The following OSBPL1A variants were observed in gnomAD, a reference collection of about 807,000 sequenced individuals.
OSBPL1A encodes oxysterol-binding protein-related protein 1.
Under a neutral mutation model 137.1 loss-of-function variants are expected in OSBPL1A, and 80 were observed. The observed-to-expected ratio is 0.58, with a 90% CI of 0.49 to 0.70. The LOEUF is 0.70. Among genes scored for constraint, OSBPL1A ranks in the 30% least tolerant of loss-of-function variants. The probability of loss-of-function intolerance (pLI) is 0.00; values close to 1 mark genes in which losing one functional copy is unlikely to be tolerated. For missense variants in OSBPL1A, 970 were observed against 1,129.4 expected, an observed-to-expected ratio of 0.86 and a Z score of 2.02; for synonymous variants, 365 against 389.7, an observed-to-expected ratio of 0.94 and a Z score of 0.75.
intron 4 of OSBPL1A, among the ~76,000 whole-genome samples, chr18:24,349,665 C>T (rs2091404161): frequency 6.7e-6 from 1 of 149,626 alleles, no homozygotes; most frequent in African/African-American, 2.5e-5. Flanking sequence ...CCAGATATGG[C>T]TGTGTGGCCA....
chr18:24,178,205 TAAAAAAAAAAA>T lies in OSBPL1A; in HGVS notation c.1911-21_1911-11del, dbSNP rs370187142. ...AAATCCAAGGTCATCTCTTAAGATT[TAAAAAAAAAAA>T]AAAAGAAAAAAAAAAGCAACATTAT... On this transcript the variant is annotated splice_polypyrimidine_tract_variant and intron_variant, in intron 20 of 27. Coordinates refer to ENST00000319481, the MANE Select transcript of OSBPL1A (RefSeq NM_080597.4). 5 of 1,175,442 alleles carry T rather than the reference TAAAAAAAAAAA, an allele frequency of 4.3e-6. No individual in the cohort carries two copies. Among genetic ancestry groups the T allele is most frequent in the South Asian group, 1.9e-5 (1 of 53,684 alleles). The allele number at this position is 1,175,442 out of a possible 1,614,324, so 72.8% of individuals were successfully genotyped here.
At chr18:24,165,638 T>C (rs1011354824) in intron 26 of OSBPL1A, among the ~76,000 whole-genome samples, 3 of 152,216 alleles carry the variant, frequency 2.0e-5, no homozygotes, top group Admixed American at 2.0e-4. Flanking sequence ...CATAAGAGGC[T>C]GCCTAGTGTG....
rs1270792105 is a variant in OSBPL1A, at chr18:24,167,359, T to C, written c.2505A>G (p.Arg835=). Residue 835 remains arginine (R), a synonymous_variant, in exon 25 of 28, where the codon CGA becomes CGG. Transcript: ENST00000319481. ...CAGAATTTGGAGGCCGTGGGGCTAT[T>C]CGCCATAGAAGAACGCTTCCAGGGA... ...FIIPGSVLLW[R]IAPRPPNSAQ... 3 of 1,614,132 alleles carry C rather than the reference T, an allele frequency of 1.9e-6. No individual in the cohort carries two copies. The highest frequency in any genetic ancestry group is 3.3e-5 in the Admixed American group (2 of 60,010).
At chr18:24,349,762 C>G (rs1399781779) in intron 4 of OSBPL1A, among the ~76,000 whole-genome samples, 2 of 151,304 alleles carry the variant, frequency 1.3e-5, no homozygotes, top group Non-Finnish European at 2.9e-5. Flanking sequence ...TGAACTCTGC[C>G]AACAACCTGC....
intron 4 of OSBPL1A, among the ~76,000 whole-genome samples, chr18:24,346,612 G>A (rs2091349986): frequency 6.6e-6 from 1 of 152,082 alleles, no homozygotes; most frequent in Non-Finnish European, 1.5e-5. Context: ...TGTTCTCAAG[G>A]TTCATTTATG....
At chr18:24,213,079 C>G (rs1262600321) in intron 17 of OSBPL1A, among the ~76,000 whole-genome samples, 1 of 152,210 alleles carries the variant, frequency 6.6e-6, no homozygotes, top group Non-Finnish European at 1.5e-5. Context: ...TATCTTACAA[C>G]TTAGTCAGAG....
chr18:24,376,366 T>C (rs976246451), intron 2 of OSBPL1A, among the ~76,000 whole-genome samples: 2 of 152,194 alleles, frequency 1.3e-5, no homozygotes, highest in Non-Finnish European at 2.9e-5. Flanking sequence ...ATTGGTGCAT[T>C]CACAAACCCT....
At chr18:24,388,276 G>C (rs1404518458) in intron 1 of OSBPL1A, among the ~76,000 whole-genome samples, 3 of 152,084 alleles carry the variant, frequency 2.0e-5, no homozygotes, top group Non-Finnish European at 4.4e-5. Context: ...TGTCTATTCT[G>C]TTCCCCTATT....
intron 23 of OSBPL1A, 82 bp from the exon 24 acceptor site, chr18:24,170,535 C>T: frequency 6.5e-7 from 1 of 1,544,716 alleles, no homozygotes. Context: ...CCCAGGCGGT[C>T]TCCCATCCGA....
intron 4 of OSBPL1A, among the ~76,000 whole-genome samples, chr18:24,365,096 T>C (rs897557660): frequency 4.0e-5 from 6 of 149,620 alleles, no homozygotes; most frequent in African/African-American, 1.5e-4. Context: ...CAAAGGTATC[T>C]AGGCAATACA....
At chr18:24,313,903 A>C (rs2090671473) in intron 12 of OSBPL1A, among the ~76,000 whole-genome samples, 1 of 152,048 alleles carries the variant, frequency 6.6e-6, no homozygotes, top group African/African-American at 2.4e-5. Flanking sequence ...GGAGTTTGAG[A>C]CTACCCTGGG....
rs185918516 is a variant in OSBPL1A at position 24,385,238 on chromosome 18, G to A, written c.-2-7703C>T. Among the ~76,000 whole-genome samples, 102 of 152,192 alleles carry A rather than the reference G, an allele frequency of 6.7e-4. 1 individual carries two copies. In the East Asian group the frequency reaches 0.013, roughly 19 times the overall value. On this transcript the variant is annotated intron_variant, in intron 1 of 27. Transcript: ENST00000319481. ...CAAAGTGCTGGGATTACAGGCATGA[G>A]CCACCGCACCCGGCCTGTAGGTTAG...
chr18:24,384,566 T>C (rs981942992), intron 1 of OSBPL1A, among the ~76,000 whole-genome samples: 1 of 122,396 alleles, frequency 8.2e-6, no homozygotes, highest in Non-Finnish European at 1.6e-5. Flanking sequence ...AGATCCTGTC[T>C]CAGAAACAAA....
chr18:24,196,059 T>A, intron 18 of OSBPL1A, 66 bp downstream of exon 18: 2 of 1,283,178 alleles, frequency 1.6e-6, no homozygotes, highest in Non-Finnish European at 2.2e-6. Context: ...ACTTTTAGGT[T>A]CCTTTCTAAA....
At chr18:24,306,316 G>T (rs981993974) in intron 13 of OSBPL1A, among the ~76,000 whole-genome samples, 2 of 152,114 alleles carry the variant, frequency 1.3e-5, no homozygotes, top group Non-Finnish European at 2.9e-5. Context: ...ATTACCTTAT[G>T]ATCCCTAACC....
chr18:24,329,631 T>A (rs2091041172), intron 7 of OSBPL1A, among the ~76,000 whole-genome samples: 1 of 151,558 alleles, frequency 6.6e-6, no homozygotes, highest in African/African-American at 2.4e-5. Context: ...GGATATAACA[T>A]ACCAGTTAAT....
At chr18:24,206,882 A>C (rs2087389719) in intron 17 of OSBPL1A, among the ~76,000 whole-genome samples, 1 of 152,116 alleles carries the variant, frequency 6.6e-6, no homozygotes, top group Non-Finnish European at 1.5e-5. Flanking sequence ...TGCCACTCAG[A>C]GTGTAATCCC....
chr18:24,168,711 A>G (rs2086202147), intron 24 of OSBPL1A, among the ~76,000 whole-genome samples: 1 of 152,238 alleles, frequency 6.6e-6, no homozygotes, highest in Non-Finnish European at 1.5e-5. Flanking sequence ...TAATGACACA[A>G]ACTTCCCGCA....
At chr18:24,216,368 G>A (rs186031815) in intron 17 of OSBPL1A, among the ~76,000 whole-genome samples, 177 of 152,330 alleles carry the variant, frequency 1.2e-3, no homozygotes, top group African/African-American at 4.2e-3. Flanking sequence ...TTAGCTGGGC[G>A]TGGCAGCGTG....
Sources: gnomAD v4.1 joint callset for allele counts (sites outside exome capture counted in the v4.1 genomes callset) on GRCh38, gnomAD v4.1.1 for gene constraint, MANE v1.5 for transcripts, NCBI Gene and HGNC (gene_info 2026-07-23, HGNC 2026-07-21) for gene names.